MSTO1: variants seen among roughly 807,000 people sequenced by gnomAD.
MSTO1 encodes the protein protein misato homolog 1.
Under a neutral mutation model 55.7 loss-of-function variants are expected in MSTO1, and 24 were observed. The observed-to-expected ratio is 0.43, with a 90% CI of 0.31 to 0.61. The LOEUF is 0.61. Among genes scored for constraint, MSTO1 ranks in the 20% least tolerant of loss-of-function variants. MSTO1 has a pLI of 0.09. For synonymous variants in MSTO1, 162 were observed against 252.8 expected (o/e 0.64, Z 3.41); for missense variants, 363 against 625.7 (o/e 0.58, Z 4.48).
the MSTO1 span, among the ~76,000 whole-genome samples, chr1:155,597,343 G>A: frequency 2.7e-5 from 4 of 150,640 alleles, no homozygotes; most frequent in Non-Finnish European, 5.9e-5. Flanking sequence ...AGTGGCGGGC[G>A]CCTGTAGTCC....
the MSTO1 span, among the ~76,000 whole-genome samples, chr1:155,568,292 C>T: frequency 6.6e-6 from 1 of 151,830 alleles, no homozygotes; most frequent in Non-Finnish European, 1.5e-5. Context: ...CTTGGCCAGG[C>T]TGGTCTTGAA....
Position 155,614,741 on chromosome 1 carries a change from C to T in MSTO1, c.*468C>T. 6.4e-7 allele frequency: 1 copy of T among 1,574,580 alleles called. No homozygotes were observed. The highest frequency in any genetic ancestry group is 8.7e-7 in the Non-Finnish European group (1 of 1,145,852). On this transcript the variant is annotated 3_prime_UTR_variant, in exon 14 of 14. Transcript: ENST00000245564. ...GAGTCTCATTCATCCAGCTCCTCTTCAGACAGAAGGTCCCCATGGTCAGAC... is the reference window on the plus strand; with the variant it reads ...GAGTCTCATTCATCCAGCTCCTCTTTAGACAGAAGGTCCCCATGGTCAGAC...
chr1:155,581,111 G>C, the MSTO1 span, among the ~76,000 whole-genome samples: 2 of 152,036 alleles, frequency 1.3e-5, no homozygotes, highest in Non-Finnish European at 1.5e-5. Flanking sequence ...TTTGGGATTT[G>C]TTTATCTACA....
chr1:155,579,477 T>A, the MSTO1 span, among the ~76,000 whole-genome samples: 1 of 152,168 alleles, frequency 6.6e-6, no homozygotes, highest in Non-Finnish European at 1.5e-5. Flanking sequence ...GAGTTCCCCA[T>A]CACTGGAAAT....
the MSTO1 span, among the ~76,000 whole-genome samples, chr1:155,578,762 G>T: frequency 6.7e-6 from 1 of 149,424 alleles, no homozygotes; most frequent in African/African-American, 2.5e-5. Context: ...CGCCCGCCTC[G>T]GCCTCCCAAA....
chr1:155,609,237 ATATATATTTTTT>A (rs1252573547), upstream of MSTO1, among the ~76,000 whole-genome samples: 1 of 49,126 alleles, frequency 2.0e-5, no homozygotes, highest in African/African-American at 6.4e-5. Flanking sequence ...ATATATATAT[ATATATATTTTTT>A]TTTTTTTTTT....
chr1:155,581,685 AG>A, the MSTO1 span, among the ~76,000 whole-genome samples: 1 of 152,012 alleles, frequency 6.6e-6, no homozygotes, highest in Non-Finnish European at 1.5e-5. Flanking sequence ...TACAGGCGTG[AG>A]CCACTGCGCC....
At chr1:155,609,056 A>C (rs1169171584), upstream of MSTO1, among the ~76,000 whole-genome samples, 9 of 148,066 alleles carry the variant, frequency 6.1e-5, no homozygotes, top group South Asian at 8.5e-4. Context: ...CAACCTCCTG[A>C]CCTCAGTTGA....
At chr1:155,587,526 G>A in the MSTO1 span, among the ~76,000 whole-genome samples, 5 of 147,098 alleles carry the variant, frequency 3.4e-5, no homozygotes, top group East Asian at 2.1e-4. Context: ...GGTGGATCAC[G>A]AGGTCAGGAG....
chr1:155,601,269 G>A, the MSTO1 span, among the ~76,000 whole-genome samples: 2 of 151,106 alleles, frequency 1.3e-5, no homozygotes, highest in African/African-American at 4.9e-5. Context: ...GAGTAGCTGG[G>A]ATTACAGGCA....
Position 155,612,302 on chromosome 1 carries a change from C to T in MSTO1, c.799C>T (p.Pro267Ser), listed in dbSNP as rs1383632236. The T allele has an allele frequency of 9.5e-6, 15 of 1,583,288 alleles. No homozygotes were observed. The East Asian group carries it at 1.6e-4, about 17-fold the overall frequency. ...AATAACCTGGGGCCTGCTACCTGGT[C>T]CCTACCATCGTGGGGTGAGTGGAAC... ...GIITWGLLPG[P>S]YHRGEAQRNI... Residue 267 changes from proline to serine, a missense_variant, in exon 8 of 14, where the codon CCC (proline) becomes TCC (serine). Pro to Ser is a moderately conservative substitution (Grantham distance 74). Transcript: ENST00000245564.
At chr1:155,609,243 A>ATATATATATATATTTT (rs59756178), upstream of MSTO1, among the ~76,000 whole-genome samples, 21 of 54,560 alleles carry the variant, frequency 3.8e-4, no homozygotes, top group East Asian at 7.4e-3. Context: ...ATATATATAT[A>ATATATATATATATTTT]TTTTTTTTTT....
rs1673884582 is a variant in MSTO1, at chr1:155,611,209, C to CT, written c.291-4dup. 6.2e-7 allele frequency: 1 copy of CT among 1,601,364 alleles called. No homozygotes were observed. Among genetic ancestry groups the CT allele is most frequent in the African/African-American group, 1.4e-5 (1 of 72,568 alleles). On this transcript the variant is annotated splice_region_variant and splice_polypyrimidine_tract_variant and intron_variant, in intron 3 of 13. Transcript: ENST00000245564. ...AGTTTCTTTGATCAATCTCCAAACT[C>CT]TTTCAGGCAGGGGAAGCTCACCACA...
the MSTO1 span, among the ~76,000 whole-genome samples, chr1:155,571,632 T>G: frequency 1.3e-5 from 2 of 152,186 alleles, no homozygotes. Context: ...CAGAACTCTT[T>G]TACTTTTATA....
the MSTO1 span, among the ~76,000 whole-genome samples, chr1:155,572,100 G>T: frequency 6.6e-6 from 1 of 151,734 alleles, no homozygotes; most frequent in East Asian, 1.9e-4. Context: ...TATGGGACTT[G>T]GGATTTAGGA....
chr1:155,595,233 A>G, the MSTO1 span, among the ~76,000 whole-genome samples: 1 of 130,416 alleles, frequency 7.7e-6, no homozygotes, highest in African/African-American at 2.9e-5. Context: ...GCTGGAGTGC[A>G]GTGGCGCAAT....
the MSTO1 span, among the ~76,000 whole-genome samples, chr1:155,591,620 G>A: frequency 2.6e-5 from 4 of 151,900 alleles, no homozygotes; most frequent in Admixed American, 6.6e-5. Context: ...GAGAAACCCC[G>A]TCACTACTAA....
upstream of MSTO1, among the ~76,000 whole-genome samples, chr1:155,605,942 T>A (rs1672927191): frequency 6.6e-6 from 1 of 152,250 alleles, no homozygotes; most frequent in Non-Finnish European, 1.5e-5. Flanking sequence ...TATGCTAATA[T>A]CAAATGCTGA....
At chr1:155,582,133 C>T in the MSTO1 span, among the ~76,000 whole-genome samples, 1 of 150,806 alleles carries the variant, frequency 6.6e-6, no homozygotes, top group African/African-American at 2.4e-5. Context: ...ATCTCATGAT[C>T]GCCCGCCTCG....
Sources: gnomAD v4.1 joint callset for allele counts (sites outside exome capture counted in the v4.1 genomes callset) on GRCh38, gnomAD v4.1.1 for gene constraint, MANE v1.5 for transcripts, NCBI Gene and HGNC (gene_info 2026-07-23, HGNC 2026-07-21) for gene names.